IL1RAPL1: variants seen among roughly 807,000 people sequenced by gnomAD.
The protein encoded by IL1RAPL1 is interleukin-1 receptor accessory protein-like 1.
Under a neutral mutation model 48.4 loss-of-function variants are expected in IL1RAPL1, and 3 were observed. The ratio of observed to expected loss-of-function variants is 0.06; its 90% CI spans 0.03 to 0.16. IL1RAPL1 has a LOEUF of 0.16. Among genes scored for constraint, IL1RAPL1 ranks in the 10% least tolerant of loss-of-function variants. The pLI, the probability that IL1RAPL1 is intolerant of heterozygous loss-of-function variation, is 1.00. For synonymous variants in IL1RAPL1, 185 were observed against 187.7 expected, an observed-to-expected ratio of 0.99 and a Z score of 0.12; for missense variants, 349 against 530.6, an observed-to-expected ratio of 0.66 and a Z score of 3.36.
intron 6 of IL1RAPL1, among the ~76,000 whole-genome samples, chrX:29,853,971 C>T (rs1457038527): frequency 1.8e-5 from 2 of 112,078 alleles, no homozygotes; most frequent in African/African-American, 6.5e-5. Context: ...TTAAAAGTGA[C>T]TAACGTATTT....
At chrX:28,662,853 G>A (rs1934837523) in intron 1 of IL1RAPL1, among the ~76,000 whole-genome samples, 1 of 111,290 alleles carries the variant, frequency 9.0e-6, no homozygotes, top group African/African-American at 3.3e-5. Flanking sequence ...GCCATACAGA[G>A]GATAGTACTG....
At chrX:28,672,607 G>T (rs191984325) in intron 1 of IL1RAPL1, among the ~76,000 whole-genome samples, 274 of 110,859 alleles carry the variant, frequency 2.5e-3, no homozygotes, top group Non-Finnish European at 3.8e-3. Flanking sequence ...TCTGTTTCCT[G>T]GCTGTGGGTC....
At chrX:28,892,291 G>A (rs950765376) in intron 2 of IL1RAPL1, among the ~76,000 whole-genome samples, 11 of 107,132 alleles carry the variant, frequency 1.0e-4, no homozygotes, top group African/African-American at 1.7e-4. Context: ...GTCAAAGGGG[G>A]GTTGTTCTCT....
intron 6 of IL1RAPL1, among the ~76,000 whole-genome samples, chrX:29,766,454 A>AATATATATATATTTATATATCCAAAT (rs1569163337): frequency 2.2e-5 from 2 of 89,210 alleles, no homozygotes; most frequent in African/African-American, 4.2e-5. Context: ...TATATGTCCA[A>AATATATATATATTTATATATCCAAAT]ATATATATAT....
At position 29,750,876 on chromosome X, in the gene IL1RAPL1, T is replaced by C. The variant is rs188524950; in HGVS notation, c.778+82372T>C. Among the ~76,000 whole-genome samples the C allele has an allele frequency of 2.1e-4, 23 of 110,950 alleles. No individual in the cohort carries two copies. In the East Asian group the frequency reaches 3.7e-3, roughly 18 times the overall value. ...CCTGCCATTTATCTCAGGTATCTCA[T>C]TGAAAAAAAGGATGAGAAAAGCTGA... On this transcript the variant is annotated intron_variant, in intron 6 of 10. Transcript: ENST00000378993.
Position 29,063,460 on chromosome X carries a change from G to A in IL1RAPL1, c.83-219478G>A, listed in dbSNP as rs970651910. On this transcript the variant is annotated intron_variant, in intron 2 of 10. Coordinates refer to ENST00000378993, the MANE Select transcript of IL1RAPL1 (RefSeq NM_014271.4). ...CCTAGCTATCTGAGCATACAATAGG[G>A]CTACCAATCCATTTTTGTTCTCCAA... is the stretch of plus-strand genomic sequence containing the variant. Among the ~76,000 whole-genome samples, 10 of 111,552 alleles carry A rather than the reference G, an allele frequency of 9.0e-5. No individual in the cohort carries two copies. The East Asian group carries it at 2.5e-3, about 28-fold the overall frequency.
intron 9 of IL1RAPL1, among the ~76,000 whole-genome samples, chrX:29,952,938 CCCTGAAAAGTTATAATCATAGAA>C (rs1933346874): frequency 9.0e-6 from 1 of 111,156 alleles, no homozygotes; most frequent in African/African-American, 3.3e-5. Context: ...TCTGAGTTTG[CCCTGAAAAGTTATAATCATAGAA>C]TGATTTCTAG....
chrX:29,681,478 C>G (rs1926447882), intron 6 of IL1RAPL1, among the ~76,000 whole-genome samples: 6 of 112,197 alleles, frequency 5.3e-5, no homozygotes, highest in Admixed American at 4.7e-4. Context: ...TGGGCAAATT[C>G]TCTTTAGCAA....
chrX:28,677,331 G>A (rs1417501826), intron 1 of IL1RAPL1, among the ~76,000 whole-genome samples: 1 of 111,875 alleles, frequency 8.9e-6, no homozygotes, highest in African/African-American at 3.2e-5. Context: ...TTTTGAAACT[G>A]GCTTCAACTC....
In IL1RAPL1 at chrX:28,670,945, A is replaced by G. The variant is rs762565124; in HGVS notation, c.-25+82898A>G. 3.6e-5 allele frequency among the ~76,000 whole-genome samples: 4 copies of G among 112,286 alleles called. No homozygotes were observed. In the South Asian group the frequency reaches 1.5e-3, roughly 41 times the overall value. On this transcript the variant is annotated intron_variant, in intron 1 of 10. Transcript: ENST00000378993. ...ACCTCAATGGTCACAATTTCCAGTG[A>G]GTAACATTGATTAAGTAAAATTAAA...
At chrX:29,027,741 T>G (rs55719108) in intron 2 of IL1RAPL1, among the ~76,000 whole-genome samples, 1,583 of 111,748 alleles carry the variant, frequency 0.014, 16 homozygotes, top group Non-Finnish European at 0.02. Context: ...CTAATAGTTG[T>G]GTAGTGCTAT....
At chrX:29,278,623 A>T (rs1301150173) in intron 2 of IL1RAPL1, among the ~76,000 whole-genome samples, 1 of 112,355 alleles carries the variant, frequency 8.9e-6, no homozygotes, top group Non-Finnish European at 1.9e-5. Flanking sequence ...CAGCATCCAC[A>T]ATTACCTGAT....
chrX:28,684,177 G>A (rs985196761), intron 1 of IL1RAPL1, among the ~76,000 whole-genome samples: 3 of 112,275 alleles, frequency 2.7e-5, no homozygotes, highest in Admixed American at 1.9e-4. Flanking sequence ...CTCATTTAAA[G>A]ATGGCACCTT....
chrX:29,179,543 G>A (rs762428514), intron 2 of IL1RAPL1, among the ~76,000 whole-genome samples: 2 of 111,385 alleles, frequency 1.8e-5, no homozygotes, highest in South Asian at 7.8e-4. Flanking sequence ...GACTGTAGAT[G>A]TGATTAAATT....
chrX:28,608,663 A>G (rs1934112809), intron 1 of IL1RAPL1, among the ~76,000 whole-genome samples: 1 of 111,882 alleles, frequency 8.9e-6, no homozygotes, highest in East Asian at 2.8e-4. Context: ...TAAGTTTTGC[A>G]GGCAGAACAC....
chrX:29,254,960 AT>A (rs1931728814), intron 2 of IL1RAPL1, among the ~76,000 whole-genome samples: 1 of 111,521 alleles, frequency 9.0e-6, no homozygotes, highest in South Asian at 3.6e-4. Context: ...TTGCTCTTTA[AT>A]TTTTTTCTTA....
chrX:29,920,318 CT>C (rs1932835171), intron 8 of IL1RAPL1, among the ~76,000 whole-genome samples: 1 of 111,249 alleles, frequency 9.0e-6, no homozygotes, highest in Non-Finnish European at 1.9e-5. Context: ...TTAATACCAA[CT>C]GTGTAACTTT....
chrX:28,659,202 C>A, intron 1 of IL1RAPL1: 1 of 755,864 alleles, frequency 1.3e-6, no homozygotes, highest in East Asian at 3.2e-5. Flanking sequence ...TGCAAAGCAC[C>A]GATAGCTGCA....
At chrX:29,743,846 T>C (rs1237957926) in intron 6 of IL1RAPL1, among the ~76,000 whole-genome samples, 1 of 112,224 alleles carries the variant, frequency 8.9e-6, no homozygotes, top group Admixed American at 9.5e-5. Flanking sequence ...TTATATTAGG[T>C]TAGCATTAAT....
Sources: allele counts gnomAD v4.1 joint callset (sites outside exome capture counted in the v4.1 genomes callset), GRCh38; gene constraint gnomAD v4.1.1; transcripts MANE v1.5; gene names NCBI Gene and HGNC (gene_info 2026-07-23, HGNC 2026-07-21).